RAP1B: variants seen among roughly 807,000 people sequenced by gnomAD.
The protein encoded by RAP1B is RAP1B, member of RAS oncogene family, also known as ras-related protein Rap-1b.
RAP1B carries 1 observed loss-of-function variant against 27.5 expected under a neutral mutation model. That is an observed-to-expected ratio of 0.04 (90% CI 0.01 to 0.17). The LOEUF (loss-of-function observed/expected upper bound fraction) is 0.17. RAP1B is among the 10% of genes least tolerant of loss of function. RAP1B has a pLI of 1.00. For synonymous variants in RAP1B, 75 were observed against 73.1 expected (o/e 1.03, Z -0.13); for missense variants, 84 against 214.8 (o/e 0.39, Z 3.81).
intron 7 of RAP1B, 84 bp from the exon 8 acceptor site, chr12:68,659,196 T>C (rs557135212): frequency 6.6e-6 from 3 of 453,172 alleles, no homozygotes; most frequent in East Asian, 6.9e-5. Context: ...TCTAACACTT[T>C]TAAGACTGTT....
chr12:68,632,959 A>T (rs372131083), intron 1 of RAP1B, among the ~76,000 whole-genome samples: 1 of 152,200 alleles, frequency 6.6e-6, no homozygotes, highest in Admixed American at 6.5e-5. Context: ...GATGTGAGCT[A>T]TCATGCCCAG....
chr12:68,638,565 TCAAA>T (rs1395821438), intron 1 of RAP1B, among the ~76,000 whole-genome samples: 1 of 152,192 alleles, frequency 6.6e-6, no homozygotes, highest in Non-Finnish European at 1.5e-5. Context: ...ATCTATAATA[TCAAA>T]CAACCATTAT....
intron 1 of RAP1B, among the ~76,000 whole-genome samples, chr12:68,637,922 C>T (rs1872742547): frequency 6.6e-6 from 1 of 151,444 alleles, no homozygotes; most frequent in South Asian, 2.1e-4. Flanking sequence ...AATATGGGTC[C>T]TTTTTTTTAA....
At chr12:68,645,733 G>T (rs893764910) in intron 1 of RAP1B, among the ~76,000 whole-genome samples, 1 of 152,202 alleles carries the variant, frequency 6.6e-6, no homozygotes, top group African/African-American at 2.4e-5. Flanking sequence ...GTTGGCATTC[G>T]CAATAAAAAT....
intron 1 of RAP1B, among the ~76,000 whole-genome samples, chr12:68,636,636 C>T (rs1872649253): frequency 6.6e-6 from 1 of 152,070 alleles, no homozygotes; most frequent in Admixed American, 6.6e-5. Context: ...CTGTGTTGTC[C>T]AGAATAGTCT....
At chr12:68,639,173 C>G (rs994299373) in intron 1 of RAP1B, among the ~76,000 whole-genome samples, 2 of 152,012 alleles carry the variant, frequency 1.3e-5, no homozygotes, top group African/African-American at 4.8e-5. Context: ...ATGACTTTAC[C>G]CGTAAAGCAT....
rs779109159 is a variant in RAP1B at position 68,654,105 on chromosome 12, A to G, written c.184-7A>G. Reference sequence around the variant, plus strand: ...TGTTTTTTAACGTTCCTTTCTTTCTATTGTAGGAGCAATTTACAGCAATGA... The same window carrying G: ...TGTTTTTTAACGTTCCTTTCTTTCTGTTGTAGGAGCAATTTACAGCAATGA... On this transcript the variant is annotated splice_region_variant and splice_polypyrimidine_tract_variant and intron_variant, in intron 4 of 7. Transcript: ENST00000250559. The G allele has an allele frequency of 3.2e-6, 5 of 1,577,306 alleles. No individual in the cohort carries two copies. The highest frequency in any genetic ancestry group is 2.3e-5 in the South Asian group (2 of 87,618).
chr12:68,647,703 GTCAC>G (rs1316471816), intron 1 of RAP1B, among the ~76,000 whole-genome samples: 6 of 151,762 alleles, frequency 4.0e-5, no homozygotes, highest in African/African-American at 1.5e-4. Context: ...TAGAAGCACT[GTCAC>G]TCAAGTGAAG....
At chr12:68,627,147 T>C (rs1184760838) in intron 1 of RAP1B, 9 of 1,574,450 alleles carry the variant, frequency 5.7e-6, no homozygotes, top group Non-Finnish European at 7.8e-6. Flanking sequence ...CACAGTGCCC[T>C]GGGGCTTCCC....
At chr12:68,625,923 A>G (rs1348454189) in intron 1 of RAP1B, among the ~76,000 whole-genome samples, 2 of 151,518 alleles carry the variant, frequency 1.3e-5, no homozygotes, top group African/African-American at 4.8e-5. Flanking sequence ...TCTGTCTCAA[A>G]AAAAAAAAAA....
intron 1 of RAP1B, among the ~76,000 whole-genome samples, chr12:68,619,848 A>G (rs548910734): frequency 6.6e-6 from 1 of 152,268 alleles, no homozygotes; most frequent in South Asian, 2.1e-4. Flanking sequence ...ATTCCATTCA[A>G]CTTTTGGTCT....
chr12:68,636,286 A>G (rs1197970778), intron 1 of RAP1B, among the ~76,000 whole-genome samples: 1 of 152,310 alleles, frequency 6.6e-6, no homozygotes, highest in Admixed American at 6.5e-5. Context: ...TCATTTATTA[A>G]TGAGATTTAA....
At chr12:68,637,999 A>G (rs1872745948) in intron 1 of RAP1B, among the ~76,000 whole-genome samples, 1 of 152,068 alleles carries the variant, frequency 6.6e-6, no homozygotes, top group Non-Finnish European at 1.5e-5. Context: ...CTGGGATGCA[A>G]ATTTTGCTAA....
intron 1 of RAP1B, among the ~76,000 whole-genome samples, chr12:68,635,786 C>T (rs913176919): frequency 6.6e-6 from 1 of 151,882 alleles, no homozygotes; most frequent in Non-Finnish European, 1.5e-5. Flanking sequence ...TTTAGGGTCA[C>T]AGAATTTCAA....
chr12:68,671,394 T>C lies in RAP1B; in HGVS notation c.*12145T>C, dbSNP rs1420530255. ...CACAAGATTATTTATTGCCACACTCTAGAAGGAAAAACAGAGTGCATGCCC... is the reference window on the plus strand; with the variant it reads ...CACAAGATTATTTATTGCCACACTCCAGAAGGAAAAACAGAGTGCATGCCC... On this transcript the variant is annotated 3_prime_UTR_variant, in exon 8 of 8. Coordinates refer to ENST00000250559, the MANE Select transcript of RAP1B (RefSeq NM_001010942.3). 6.6e-6 allele frequency: 1 copy of C among 152,202 alleles called. No homozygotes were observed. Among genetic ancestry groups the C allele is most frequent in the Admixed American group, 6.5e-5 (1 of 15,286 alleles). The allele number at this position is 152,202 out of a possible 1,614,324, so 9.4% of individuals were successfully genotyped here. A position where few individuals can be genotyped will look rare whatever the true frequency, so the allele number is the denominator to read the frequency against.
In RAP1B at chr12:68,670,542, G is replaced by A. The variant is rs184339947; in HGVS notation, c.*11293G>A. The stretch of plus-strand genomic sequence containing the variant: ...ACACAGATGCTTCTCAGCTTACAAT[G>A]GGGTTATGTCCCAATAAGCCCATCA... On this transcript the variant is annotated 3_prime_UTR_variant, in exon 8 of 8. Transcript: ENST00000250559. 6.6e-6 allele frequency: 1 copy of A among 152,214 alleles called. No homozygotes were observed. Among genetic ancestry groups the A allele is most frequent in the Admixed American group, 6.5e-5 (1 of 15,288 alleles). The allele number at this position is 152,214 out of a possible 1,614,324, so 9.4% of individuals were successfully genotyped here.
chr12:68,616,087 C>T (rs1418835525), intron 1 of RAP1B, among the ~76,000 whole-genome samples: 1 of 151,626 alleles, frequency 6.6e-6, no homozygotes, highest in Non-Finnish European at 1.5e-5. Context: ...CCTCAGCCTC[C>T]CGAGTAGCTG....
intron 1 of RAP1B, among the ~76,000 whole-genome samples, chr12:68,645,925 A>G (rs1873370459): frequency 6.6e-6 from 1 of 152,218 alleles, no homozygotes; most frequent in Non-Finnish European, 1.5e-5. Flanking sequence ...TAAAGAAAAT[A>G]TCATGTATTC....
chr12:68,646,531 G>A (rs1009244825), intron 1 of RAP1B, among the ~76,000 whole-genome samples: 5 of 152,050 alleles, frequency 3.3e-5, no homozygotes, highest in African/African-American at 7.2e-5. Flanking sequence ...CTTGTGATCC[G>A]CCTGCCTCAG....
Sources: allele counts gnomAD v4.1 joint callset (sites outside exome capture counted in the v4.1 genomes callset), GRCh38; gene constraint gnomAD v4.1.1; transcripts MANE v1.5; gene names NCBI Gene and HGNC (gene_info 2026-07-23, HGNC 2026-07-21).